Variants in GALNT13 observed in about 807,000 individuals in gnomAD.
GALNT13 encodes the protein UDP-GalNAc:polypeptide N-acetylgalactosaminyltransferase 13.
A neutral mutation model predicts 64.2 loss-of-function variants in GALNT13; 28 were observed. That is an observed-to-expected ratio of 0.44 (90% CI 0.32 to 0.60). The LOEUF (loss-of-function observed/expected upper bound fraction) is 0.60. GALNT13 is among the 20% of genes least tolerant of loss of function. The probability of loss-of-function intolerance (pLI) is 0.05; values close to 1 mark genes in which losing one functional copy is unlikely to be tolerated. For synonymous variants in GALNT13, 214 were observed against 224.6 expected (o/e 0.95, Z 0.42); for missense variants, 577 against 669.8 (o/e 0.86, Z 1.53).
At chr2:153,624,425 CA>C in the GALNT13 span, among the ~76,000 whole-genome samples, 1 of 152,054 alleles carries the variant, frequency 6.6e-6, no homozygotes. Context: ...GGAATACAAA[CA>C]AATGTGACAT....
At chr2:154,337,566 ATT>A (rs1449736896) in intron 9 of GALNT13, among the ~76,000 whole-genome samples, 3 of 152,072 alleles carry the variant, frequency 2.0e-5, no homozygotes, top group Non-Finnish European at 4.4e-5. Context: ...AATTATTAAC[ATT>A]TTAGTGCTTA....
At chr2:153,457,819 T>G in the GALNT13 span, among the ~76,000 whole-genome samples, 21 of 152,306 alleles carry the variant, frequency 1.4e-4, no homozygotes, top group South Asian at 2.9e-3. Flanking sequence ...TTCTAAGTTG[T>G]TATCATTGCC....
At chr2:154,088,183 A>G (rs2105432210) in intron 3 of GALNT13, among the ~76,000 whole-genome samples, 1 of 152,144 alleles carries the variant, frequency 6.6e-6, no homozygotes, top group Non-Finnish European at 1.5e-5. Flanking sequence ...TCTCTAATTG[A>G]TTTTGCAGTA....
At chr2:154,041,819 T>A (rs1253011069) in intron 3 of GALNT13, among the ~76,000 whole-genome samples, 6 of 140,440 alleles carry the variant, frequency 4.3e-5, no homozygotes, top group African/African-American at 1.5e-4. Flanking sequence ...GTATAGATTT[T>A]ACTGCTCTAG....
chr2:154,242,829 A>G lies in GALNT13; in HGVS notation c.610A>G (p.Ile204Val). Residue 204 changes from isoleucine to valine, a missense_variant, in exon 6 of 13, where the codon ATA (isoleucine) becomes GTA (valine). Around this residue, in one of 3 missense-constraint regions of GALNT13, gnomAD observed 341 missense variants for 379.3 expected, o/e 0.90. Transcript: ENST00000392825. Reference protein sequence around the residue: ...RGAAASKGQVITFLDAHCECT... With the variant: ...RGAAASKGQVVTFLDAHCECT... Reference sequence around the variant, plus strand: ...AGCAGCTGCTTCAAAAGGGCAGGTCATAACTTTTCTTGATGCACACTGTGA... The same window carrying G: ...AGCAGCTGCTTCAAAAGGGCAGGTCGTAACTTTTCTTGATGCACACTGTGA... The G allele has an allele frequency of 2.5e-6, 4 of 1,614,168 alleles. No homozygotes were observed. The highest frequency in any genetic ancestry group is 3.4e-6 in the Non-Finnish European group (4 of 1,180,020).
chr2:153,797,192 T>A, the GALNT13 span, among the ~76,000 whole-genome samples: 1 of 152,212 alleles, frequency 6.6e-6, no homozygotes, highest in Admixed American at 6.5e-5. Context: ...GTCTGTTAGA[T>A]GTGTCATGGA....
chr2:153,891,810 C>G (rs911926527), intron 1 of GALNT13, among the ~76,000 whole-genome samples: 1 of 151,318 alleles, frequency 6.6e-6, no homozygotes, highest in African/African-American at 2.4e-5. Context: ...ATTCAAGGTC[C>G]TTCTTAGAGA....
the GALNT13 span, among the ~76,000 whole-genome samples, chr2:153,243,502 T>G: frequency 6.6e-6 from 1 of 152,218 alleles, no homozygotes; most frequent in Non-Finnish European, 1.5e-5. Flanking sequence ...TCATCAAAAA[T>G]AAAAGTTGCT....
the GALNT13 span, among the ~76,000 whole-genome samples, chr2:153,451,523 C>G: frequency 0.044 from 6,694 of 152,236 alleles, 181 homozygotes; most frequent in Middle Eastern, 0.14. Context: ...TAAATTCTTT[C>G]TGCTCCATTT....
chr2:153,959,996 A>T (rs1419787400), intron 3 of GALNT13, among the ~76,000 whole-genome samples: 2 of 152,250 alleles, frequency 1.3e-5, no homozygotes, highest in Admixed American at 6.5e-5. Context: ...CCAGTAACCC[A>T]CTGGGCTGCT....
At chr2:153,164,367 C>T in the GALNT13 span, among the ~76,000 whole-genome samples, 13 of 151,932 alleles carry the variant, frequency 8.6e-5, no homozygotes, top group East Asian at 3.9e-4. Context: ...CTGTGTTTTG[C>T]TTTTTCATTT....
At chr2:153,154,117 GA>G in the GALNT13 span, among the ~76,000 whole-genome samples, 1 of 151,902 alleles carries the variant, frequency 6.6e-6, no homozygotes, top group Non-Finnish European at 1.5e-5. Context: ...TTTACCTCCT[GA>G]TATGGTTTGG....
chr2:154,105,226 G>T lies in GALNT13; in HGVS notation c.143-35111G>T, dbSNP rs571565708. 2.0e-5 allele frequency among the ~76,000 whole-genome samples: 3 copies of T among 152,030 alleles called. No individual in the cohort carries two copies. The East Asian group carries it at 5.8e-4, about 29-fold the overall frequency. ...GCCGTGATTGTTCACCTATGATCTC[G>T]TATCTGATGGAGGAGAACTTGTATC... On this transcript the variant is annotated intron_variant, in intron 3 of 12. Transcript: ENST00000392825.
chr2:154,379,111 A>G (rs1698142244), intron 9 of GALNT13, among the ~76,000 whole-genome samples: 1 of 152,122 alleles, frequency 6.6e-6, no homozygotes, highest in African/African-American at 2.4e-5. Flanking sequence ...AGCCCTTTTA[A>G]AGCAGAAAAC....
intron 3 of GALNT13, among the ~76,000 whole-genome samples, chr2:154,099,203 G>A (rs1702224485): frequency 1.3e-5 from 2 of 152,024 alleles, no homozygotes; most frequent in Non-Finnish European, 2.9e-5. Context: ...TTTATTGGCT[G>A]CTTGCATGTC....
At chr2:153,874,157 T>C (rs1686197205) in intron 1 of GALNT13, among the ~76,000 whole-genome samples, 1 of 150,374 alleles carries the variant, frequency 6.7e-6, no homozygotes, top group African/African-American at 2.4e-5. Flanking sequence ...AACCTTCATA[T>C]TGAAACCCTG....
At chr2:153,609,633 C>G in the GALNT13 span, among the ~76,000 whole-genome samples, 8 of 152,276 alleles carry the variant, frequency 5.3e-5, no homozygotes, top group South Asian at 1.4e-3. Context: ...ACCCTACCAA[C>G]TAGAGAGCAG....
chr2:153,976,936 T>A lies in GALNT13; in HGVS notation c.142+32297T>A, dbSNP rs370428849. Among the ~76,000 whole-genome samples the A allele has an allele frequency of 1.1e-4, 16 of 152,254 alleles. No homozygotes were observed. The East Asian group carries it at 1.5e-3, about 15-fold the overall frequency. Reference sequence around the variant, plus strand: ...AATTGAAATAATTCCATCTACACATTTTTTAAGCACTTGCACTATACCTCC... The same window carrying A: ...AATTGAAATAATTCCATCTACACATATTTTAAGCACTTGCACTATACCTCC... On this transcript the variant is annotated intron_variant, in intron 3 of 12. Coordinates refer to ENST00000392825, the MANE Select transcript of GALNT13 (RefSeq NM_052917.4).
At chr2:153,676,769 A>T in the GALNT13 span, among the ~76,000 whole-genome samples, 1 of 152,134 alleles carries the variant, frequency 6.6e-6, no homozygotes, top group Non-Finnish European at 1.5e-5. Flanking sequence ...AGAACTAAAA[A>T]CAAAAACCAC....
Sources: gnomAD v4.1 joint callset for allele counts (sites outside exome capture counted in the v4.1 genomes callset) on GRCh38, gnomAD v4.1.1 for gene constraint, gnomAD v4.1.1 regional missense constraint, MANE v1.5 for transcripts, NCBI Gene and HGNC (gene_info 2026-07-23, HGNC 2026-07-21) for gene names.